Variants in EPDR1 observed in about 807,000 individuals in gnomAD.
The protein encoded by EPDR1 is ependymin related 1, also known as mammalian ependymin-related protein 1.
A neutral mutation model predicts 23.7 loss-of-function variants in EPDR1; 27 were observed. That is an observed-to-expected ratio of 1.14 (90% CI 0.84 to 1.57). The LOEUF (loss-of-function observed/expected upper bound fraction) is 1.57. Among genes scored for constraint, EPDR1 ranks in the 40% most tolerant of loss-of-function variants. The pLI is 0.00. For synonymous variants in EPDR1, 137 were observed against 118.2 expected (o/e 1.16, Z -1.03); for missense variants, 349 against 290.4 (o/e 1.20, Z -1.47).
chr7:37,928,480 C>T (rs1785861617), intron 1 of EPDR1, among the ~76,000 whole-genome samples: 1 of 152,128 alleles, frequency 6.6e-6, no homozygotes, highest in Non-Finnish European at 1.5e-5. Context: ...ATGCTAACTA[C>T]AATTTTTGTA....
chr7:37,935,545 G>A (rs1299301354), intron 1 of EPDR1, among the ~76,000 whole-genome samples: 1 of 152,124 alleles, frequency 6.6e-6, no homozygotes, highest in East Asian at 1.9e-4. Flanking sequence ...CATATGAGAA[G>A]TAGAGAGATG....
Position 37,950,369 on chromosome 7 carries a change from G to A in EPDR1, c.648G>A (p.Glu216=). The A allele has an allele frequency of 6.2e-7, 1 of 1,613,210 alleles. No individual in the cohort carries two copies. The highest frequency in any genetic ancestry group is 1.1e-5 in the South Asian group (1 of 90,830). ...PPSTCQMAQL[E]KMSEDCSW is the part of the protein sequence containing the mutation. ...GCACGTGCCAGATGGCCCAACTGGA[G>A]AAGATGAGCGAAGACTGCTCCTGGT... The change falls in exon 3 of 3, where the codon GAG becomes GAA. Residue 216 remains glutamate (E), a synonymous_variant. Coordinates refer to ENST00000199448, the MANE Select transcript of EPDR1 (RefSeq NM_017549.5).
intron 1 of EPDR1, among the ~76,000 whole-genome samples, chr7:37,927,851 T>C (rs921518853): frequency 1.3e-5 from 2 of 152,214 alleles, no homozygotes; most frequent in African/African-American, 4.8e-5. Context: ...AGCATATTCT[T>C]TTGTGAGCTG....
intron 1 of EPDR1, among the ~76,000 whole-genome samples, chr7:37,945,075 G>T (rs1308959840): frequency 6.6e-6 from 1 of 152,218 alleles, no homozygotes; most frequent in Non-Finnish European, 1.5e-5. Context: ...GACAGGATTT[G>T]TGTATGGACA....
rs1437254171 is a variant in EPDR1 at position 37,938,676 on chromosome 7, C to T, written c.270-10164C>T. Among the ~76,000 whole-genome samples, 5 of 152,284 alleles carry T rather than the reference C, an allele frequency of 3.3e-5. No homozygotes were observed. The East Asian group carries it at 9.7e-4, about 29-fold the overall frequency. The stretch of plus-strand genomic sequence containing the variant: ...AGCCATTGCTTTGATTGTGCTTTGT[C>T]TTCAGGATTGTAGCGGTAAAGCCAT... On this transcript the variant is annotated intron_variant, in intron 1 of 2. Transcript: ENST00000199448.
At chr7:37,938,810 C>T (rs553058924) in intron 1 of EPDR1, among the ~76,000 whole-genome samples, 2 of 152,308 alleles carry the variant, frequency 1.3e-5, no homozygotes, top group South Asian at 4.1e-4. Context: ...TGGGCCGCCA[C>T]AATTGTTTCA....
chr7:37,949,449 G>T (rs1367476061), intron 2 of EPDR1, among the ~76,000 whole-genome samples: 1 of 152,138 alleles, frequency 6.6e-6, no homozygotes, highest in Non-Finnish European at 1.5e-5. Flanking sequence ...GTGCAAACCA[G>T]CCTACTTTTA....
chr7:37,925,710 T>C (rs1376880003), intron 1 of EPDR1, among the ~76,000 whole-genome samples: 1 of 152,322 alleles, frequency 6.6e-6, no homozygotes, highest in East Asian at 1.9e-4. Context: ...TTTTCATCTT[T>C]TAATTTAATT....
chr7:37,928,462 C>T (rs978999895), intron 1 of EPDR1, among the ~76,000 whole-genome samples: 2 of 152,034 alleles, frequency 1.3e-5, no homozygotes, highest in African/African-American at 4.8e-5. Context: ...CTATTTAAAG[C>T]AAATCTCATG....
chr7:37,939,970 C>T (rs894961016), intron 1 of EPDR1, among the ~76,000 whole-genome samples: 2 of 152,114 alleles, frequency 1.3e-5, no homozygotes, highest in Non-Finnish European at 2.9e-5. Context: ...ACATACAACT[C>T]CAAAACAGCA....
At chr7:37,930,118 C>T (rs1379275694) in intron 1 of EPDR1, among the ~76,000 whole-genome samples, 5 of 152,304 alleles carry the variant, frequency 3.3e-5, no homozygotes, top group South Asian at 2.1e-4. Context: ...GACTCCTGCC[C>T]GCTCACAGAA....
chr7:37,922,967 G>A (rs1398387535), intron 1 of EPDR1, among the ~76,000 whole-genome samples: 1 of 152,172 alleles, frequency 6.6e-6, no homozygotes, highest in Non-Finnish European at 1.5e-5. Flanking sequence ...TGGAGAGACT[G>A]CTGGTCCAGG....
chr7:37,938,068 G>A (rs977201872), intron 1 of EPDR1, among the ~76,000 whole-genome samples: 2 of 137,622 alleles, frequency 1.5e-5, no homozygotes, highest in Non-Finnish European at 3.0e-5. Context: ...TCAGCTCACT[G>A]CAAACTCTGC....
Position 37,949,175 on chromosome 7 carries a change from T to C in EPDR1, c.478+127T>C, listed in dbSNP as rs372085434. 1,552 of 807,688 alleles carry C rather than the reference T, an allele frequency of 1.9e-3. 9 individuals carry two copies. The highest frequency in any genetic ancestry group is 9.3e-3 in the South Asian group (518 of 55,704). The allele number at this position is 807,688 out of a possible 1,614,324, so 50.0% of individuals were successfully genotyped here. On this transcript the variant is annotated intron_variant, in intron 2 of 2. Transcript: ENST00000199448. ...TCAAAAATTTTTTAAAGCCTCCACT[T>C]AGGTCTGCAGGTTACTTTGCTCACT...
chr7:37,925,077 T>C (rs1183955161), intron 1 of EPDR1, among the ~76,000 whole-genome samples: 3 of 152,202 alleles, frequency 2.0e-5, no homozygotes, highest in Non-Finnish European at 4.4e-5. Flanking sequence ...GAGCAGCAAA[T>C]GGGAAATATT....
intron 1 of EPDR1, among the ~76,000 whole-genome samples, chr7:37,940,153 G>T (rs1786141202): frequency 6.6e-6 from 1 of 152,182 alleles, no homozygotes; most frequent in Non-Finnish European, 1.5e-5. Flanking sequence ...GCAAGATGCA[G>T]AAAGGTCTAT....
Position 37,933,692 on chromosome 7 carries a change from G to A in EPDR1, c.269+12484G>A, listed in dbSNP as rs566345820. 5.9e-5 allele frequency among the ~76,000 whole-genome samples: 9 copies of A among 152,214 alleles called. No individual in the cohort carries two copies. The East Asian group carries it at 1.7e-3, about 29-fold the overall frequency. On this transcript the variant is annotated intron_variant, in intron 1 of 2. Transcript: ENST00000199448. ...ACCCAGGCCAAGCTCCGGTATTTGG[G>A]GTTCTAGGATTAGTCAAATATTTGG...
chr7:37,933,236 A>G (rs1182627679), intron 1 of EPDR1, among the ~76,000 whole-genome samples: 1 of 152,226 alleles, frequency 6.6e-6, no homozygotes, highest in East Asian at 1.9e-4. Flanking sequence ...TTACTAATCT[A>G]TTATAGTGCG....
intron 1 of EPDR1, among the ~76,000 whole-genome samples, chr7:37,940,086 T>TG (rs776677205): frequency 9.4e-4 from 143 of 152,152 alleles, no homozygotes; most frequent in Non-Finnish European, 1.7e-3. Flanking sequence ...CACAGTAAAT[T>TG]TACATGGCCA....
Sources: allele counts gnomAD v4.1 joint callset (sites outside exome capture counted in the v4.1 genomes callset), GRCh38; gene constraint gnomAD v4.1.1; transcripts MANE v1.5; gene names NCBI Gene and HGNC (gene_info 2026-07-23, HGNC 2026-07-21).